Variants in KCNIP1 observed in about 807,000 individuals in gnomAD.
KCNIP1 encodes potassium voltage-gated channel interacting protein 1, also known as A-type potassium channel modulatory protein KCNIP1.
Under a neutral mutation model 33.0 loss-of-function variants are expected in KCNIP1, and 18 were observed. The observed-to-expected ratio is 0.55, with a 90% CI of 0.38 to 0.81. The LOEUF (loss-of-function observed/expected upper bound fraction) is 0.81, where lower values mean the gene tolerates loss of function less well. Ranked by LOEUF, KCNIP1 falls within the 30% of genes least tolerant of loss-of-function variation. The pLI is 0.00. For missense variants in KCNIP1, 238 were observed against 271.6 expected, an observed-to-expected ratio of 0.88 and a Z score of 0.87; for synonymous variants, 93 against 98.3, an observed-to-expected ratio of 0.95 and a Z score of 0.32.
At chr5:170,532,488 T>C (rs976958131) in intron 1 of KCNIP1, among the ~76,000 whole-genome samples, 35 of 152,222 alleles carry the variant, frequency 2.3e-4, no homozygotes, top group African/African-American at 7.2e-4. Flanking sequence ...TCTCTTCATC[T>C]GAACCTCAAC....
intron 1 of KCNIP1, among the ~76,000 whole-genome samples, chr5:170,386,122 C>CAAA (rs57184065): frequency 0.1 from 13,547 of 133,674 alleles, 761 homozygotes; most frequent in East Asian, 0.22. Flanking sequence ...AAGACTCCGT[C>CAAA]AAAAAAAAAA....
chr5:170,607,529 C>T (rs1411898655), intron 1 of KCNIP1, among the ~76,000 whole-genome samples: 2 of 152,180 alleles, frequency 1.3e-5, no homozygotes, highest in African/African-American at 4.8e-5. Flanking sequence ...GCTGAGAGGT[C>T]ATGATCTCCC....
intron 1 of KCNIP1, among the ~76,000 whole-genome samples, chr5:170,526,353 A>G (rs370344723): frequency 3.3e-5 from 5 of 152,210 alleles, no homozygotes; most frequent in African/African-American, 1.2e-4. Flanking sequence ...GAAGAAAGGG[A>G]GGCTACAGGA....
At chr5:170,367,350 A>G (rs1021585227) in intron 1 of KCNIP1, among the ~76,000 whole-genome samples, 1 of 16,712 alleles carries the variant, frequency 6.0e-5, no homozygotes, top group Non-Finnish European at 1.2e-4. Context: ...AAGGAAAGAA[A>G]AAGAAAGAAA....
In KCNIP1 at chr5:170,484,183, C is replaced by T. The variant is rs184595571; in HGVS notation, c.88+130219C>T. The T allele has an allele frequency of 1.3e-3, 199 of 152,534 alleles. 4 individuals carry two copies. The highest frequency in any genetic ancestry group is 5.8e-4 in the East Asian group (3 of 5,176). The allele number at this position is 152,534 out of a possible 1,614,324, so 9.4% of individuals were successfully genotyped here. A position where few individuals can be genotyped will look rare whatever the true frequency, so the allele number is the denominator to read the frequency against. On this transcript the variant is annotated intron_variant, in intron 1 of 7. Transcript: ENST00000377360. ...AGTTGCTCCTTCCACACCCTCTCCC[C>T]ACTGAGGCCTCGTCTCCTCCGCCCT...
chr5:170,417,225 A>G (rs894437990), intron 1 of KCNIP1, among the ~76,000 whole-genome samples: 7 of 152,236 alleles, frequency 4.6e-5, no homozygotes, highest in African/African-American at 1.7e-4. Flanking sequence ...CAGAATAATC[A>G]CATTTTTGTA....
At chr5:170,419,998 C>T (rs1755437024) in intron 1 of KCNIP1, among the ~76,000 whole-genome samples, 1 of 152,238 alleles carries the variant, frequency 6.6e-6, no homozygotes, top group African/African-American at 2.4e-5. Context: ...CCAGTGCGAC[C>T]CTTCCCCGCC....
intron 1 of KCNIP1, among the ~76,000 whole-genome samples, chr5:170,600,842 C>T (rs1758663726): frequency 1.3e-5 from 2 of 152,178 alleles, no homozygotes; most frequent in Admixed American, 6.5e-5. Flanking sequence ...ACTCCACGGT[C>T]GCTGTGAGGT....
intron 1 of KCNIP1, among the ~76,000 whole-genome samples, chr5:170,508,022 G>A (rs1561657935): frequency 6.6e-6 from 1 of 152,196 alleles, no homozygotes; most frequent in Non-Finnish European, 1.5e-5. Context: ...GACAGGCTAG[G>A]GCATTGAGGA....
At chr5:170,609,762 C>A (rs746379410) in intron 1 of KCNIP1, among the ~76,000 whole-genome samples, 4 of 152,116 alleles carry the variant, frequency 2.6e-5, no homozygotes, top group African/African-American at 4.8e-5. Context: ...GAGACTGAGG[C>A]AGGAAGATGT....
intron 1 of KCNIP1, among the ~76,000 whole-genome samples, chr5:170,454,184 C>T (rs935546794): frequency 6.6e-6 from 1 of 152,212 alleles, no homozygotes; most frequent in South Asian, 2.1e-4. Context: ...AAGAGGAAAA[C>T]GTCCTGCAGT....
intron 1 of KCNIP1, among the ~76,000 whole-genome samples, chr5:170,710,328 G>T (rs1763402574): frequency 6.6e-6 from 1 of 152,054 alleles, no homozygotes; most frequent in African/African-American, 2.4e-5. Flanking sequence ...TACAATTTTT[G>T]ATTGACTTTT....
At chr5:170,633,215 G>A (rs1170177970) in intron 1 of KCNIP1, among the ~76,000 whole-genome samples, 6 of 152,246 alleles carry the variant, frequency 3.9e-5, no homozygotes, top group Non-Finnish European at 7.4e-5. Context: ...AGGTAAGACA[G>A]GCGGAGCGGG....
At chr5:170,421,687 A>G (rs1755497454) in intron 1 of KCNIP1, among the ~76,000 whole-genome samples, 1 of 152,126 alleles carries the variant, frequency 6.6e-6, no homozygotes, top group Admixed American at 6.5e-5. Flanking sequence ...CCACCTCCCA[A>G]CACCATCATC....
chr5:170,475,878 C>G (rs1193199107), intron 1 of KCNIP1, among the ~76,000 whole-genome samples: 1 of 152,182 alleles, frequency 6.6e-6, no homozygotes, highest in Non-Finnish European at 1.5e-5. Flanking sequence ...CAATATTACC[C>G]CCTTGTCAGG....
intron 1 of KCNIP1, among the ~76,000 whole-genome samples, chr5:170,365,338 T>A (rs910147495): frequency 6.6e-6 from 1 of 152,156 alleles, no homozygotes; most frequent in African/African-American, 2.4e-5. Context: ...TCCACGTCCG[T>A]CTGTCCATCC....
intron 1 of KCNIP1, among the ~76,000 whole-genome samples, chr5:170,554,141 T>C (rs1241149802): frequency 1.3e-5 from 2 of 152,156 alleles, no homozygotes; most frequent in African/African-American, 4.8e-5. Flanking sequence ...AAAGTTTTTT[T>C]TTTTAATTTT....
At chr5:170,613,824 C>T (rs936550679) in intron 1 of KCNIP1, among the ~76,000 whole-genome samples, 3 of 152,164 alleles carry the variant, frequency 2.0e-5, no homozygotes, top group African/African-American at 7.2e-5. Context: ...GAACTCAAGG[C>T]CCAAACATGG....
intron 1 of KCNIP1, among the ~76,000 whole-genome samples, chr5:170,586,424 C>G (rs1250453997): frequency 6.6e-6 from 1 of 152,184 alleles, no homozygotes; most frequent in Non-Finnish European, 1.5e-5. Context: ...AATGTAAAAG[C>G]CCTCATGGGT....
Sources: gnomAD v4.1 joint callset for allele counts (sites outside exome capture counted in the v4.1 genomes callset) on GRCh38, gnomAD v4.1.1 for gene constraint, MANE v1.5 for transcripts, NCBI Gene and HGNC (gene_info 2026-07-23, HGNC 2026-07-21) for gene names.